Variants in FLT4 observed in about 807,000 individuals in gnomAD.
FLT4 encodes fms related receptor tyrosine kinase 4, also known as vascular endothelial growth factor receptor 3.
Under a neutral mutation model 163.2 loss-of-function variants are expected in FLT4, and 30 were observed. The ratio of observed to expected loss-of-function variants is 0.18; its 90% confidence interval spans 0.14 to 0.25. The LOEUF (loss-of-function observed/expected upper bound fraction) is 0.25. Ranked by LOEUF, FLT4 falls within the 10% of genes least tolerant of loss-of-function variation. The pLI is 1.00. For missense variants in FLT4, 1,510 were observed against 1,863.8 expected (o/e 0.81, Z 3.50); for synonymous variants, 884 against 789.5 (o/e 1.12, Z -2.01).
chr5:180,648,654 C>T (rs1765594142), intron 1 of FLT4, among the ~76,000 whole-genome samples: 1 of 152,124 alleles, frequency 6.6e-6, no homozygotes, highest in South Asian at 2.1e-4. Flanking sequence ...CTCTGCCGCC[C>T]GCTCATCCCC....
intron 1 of FLT4, among the ~76,000 whole-genome samples, chr5:180,647,460 G>T (rs1239430928): frequency 6.6e-6 from 1 of 152,118 alleles, no homozygotes; most frequent in Non-Finnish European, 1.5e-5. Context: ...TACGGCAGAG[G>T]CAGGACAAGA....
At position 180,620,307 on chromosome 5, in the gene FLT4, G is replaced by A. The variant is rs147284137; in HGVS notation, c.2408C>T (p.Pro803Leu). The A allele has an allele frequency of 6.8e-6, 11 of 1,611,130 alleles. No individual in the cohort carries two copies. The highest frequency in any genetic ancestry group is 6.7e-5 in the African/African-American group (5 of 74,918). Residue 803 changes from proline to leucine, a missense_variant and splice_region_variant, in exon 17 of 30, where the codon CCG becomes CTG. By Grantham distance (98) the Pro-to-Leu change is moderately conservative. Around this residue, in one of 5 missense-constraint regions of FLT4, gnomAD observed 878 missense variants for 1,016.7 expected, o/e 0.86. Coordinates refer to ENST00000261937, the MANE Select transcript of FLT4 (RefSeq NM_182925.5). This position sits in a 1 kb window ranked among gnomAD's most constrained non-coding sequence, Gnocchi z 4.4. ...GCCCGTCTTGATGTCTGCGTGGGCC[G>A]GCTGCGGGGAGGGGACAGGGAGGAG... is the stretch of plus-strand genomic sequence containing the variant. Reference protein sequence around the residue: ...LLLIFCNMRRPAHADIKTGYL... With the variant: ...LLLIFCNMRRLAHADIKTGYL...
intron 23 of FLT4, 129 bp from the exon 24 acceptor site, chr5:180,614,308 C>CGCG: frequency 3.2e-6 from 2 of 631,900 alleles, no homozygotes; most frequent in East Asian, 2.7e-5. Context: ...AAGCGTGTCC[C>CGCG]GTGGTGGATG....
chr5:180,613,639 G>A lies in FLT4; in HGVS notation c.3331+429C>T, dbSNP rs543870291. The stretch of plus-strand genomic sequence containing the variant: ...GCTCCTTTAGTTTCCGCAGTAGCGT[G>A]GATCAGTTGCCACTTGGTGACATTT... On this transcript the variant is annotated intron_variant, in intron 24 of 29. Transcript: ENST00000261937. 5.5e-4 allele frequency: 176 copies of A among 318,308 alleles called. 1 individual carries two copies. Among genetic ancestry groups the A allele is most frequent in the African/African-American group, 3.5e-3 (164 of 47,046 alleles). The allele number at this position is 318,308 out of a possible 1,614,324, so 19.7% of individuals were successfully genotyped here. A position where few individuals can be genotyped will look rare whatever the true frequency, so the allele number is the denominator to read the frequency against.
At chr5:180,629,140 G>C in intron 7 of FLT4, 119 bp downstream of exon 7, 2 of 1,448,434 alleles carry the variant, frequency 1.4e-6, no homozygotes, top group Non-Finnish European at 1.9e-6. Context: ...CAGGAGCTGG[G>C]CAGCTCCTCT....
chr5:180,638,590 T>C (rs1324336682), intron 1 of FLT4, among the ~76,000 whole-genome samples: 1 of 152,208 alleles, frequency 6.6e-6, no homozygotes, highest in Non-Finnish European at 1.5e-5. Context: ...TGGATTCCCC[T>C]GCACTCCCAA....
chr5:180,606,185 T>C (rs1192823375), intron 29 of FLT4, among the ~76,000 whole-genome samples: 3 of 151,994 alleles, frequency 2.0e-5, no homozygotes, highest in Non-Finnish European at 2.9e-5. Context: ...AAATCCATCA[T>C]GTGTCTTCTT....
chr5:180,613,441 A>G (rs539656774), intron 24 of FLT4: 7 of 328,738 alleles, frequency 2.1e-5, no homozygotes, highest in South Asian at 1.8e-4. Context: ...GGCAGTTTCA[A>G]CAAAGCCTCT....
chr5:180,624,623 TC>T (rs2127824412), intron 10 of FLT4, among the ~76,000 whole-genome samples: 1 of 152,284 alleles, frequency 6.6e-6, no homozygotes, highest in African/African-American at 2.4e-5. Context: ...CCACTGTCCC[TC>T]AGGCACATGT....
intron 1 of FLT4, among the ~76,000 whole-genome samples, chr5:180,641,202 C>T (rs1373210075): frequency 6.6e-6 from 1 of 152,226 alleles, no homozygotes; most frequent in Non-Finnish European, 1.5e-5. Context: ...CATGTCATCC[C>T]CACTCTGGCC....
intron 27 of FLT4, 22 bp from the exon 28 acceptor site, chr5:180,610,047 T>C: frequency 6.2e-7 from 1 of 1,613,872 alleles, no homozygotes; most frequent in Non-Finnish European, 8.5e-7. Flanking sequence ...AATCAGAAGG[T>C]GCTGAGGAAC....
Position 180,623,333 on chromosome 5 carries a change from G to A in FLT4, c.1549-494C>T, listed in dbSNP as rs1763319053. ...CCCGAGGCCCAGGGTTATTGAGAGG[G>A]GTGGGGATGGCTCCCAGAAGGACTG... is the stretch of plus-strand genomic sequence containing the variant. On this transcript the variant is annotated intron_variant, in intron 11 of 29. Coordinates refer to ENST00000261937, the MANE Select transcript of FLT4 (RefSeq NM_182925.5). The surrounding 1 kb of genome is among the most constrained non-coding windows in gnomAD (Gnocchi z 5.8). Among the ~76,000 whole-genome samples the A allele has an allele frequency of 6.6e-6, 1 of 152,104 alleles. No homozygotes were observed. Among genetic ancestry groups the A allele is most frequent in the Non-Finnish European group, 1.5e-5 (1 of 68,010 alleles).
At chr5:180,639,379 G>GGA (rs1764928993) in intron 1 of FLT4, among the ~76,000 whole-genome samples, 1 of 142,394 alleles carries the variant, frequency 7.0e-6, no homozygotes, top group East Asian at 2.2e-4. Context: ...GAGTGGATGG[G>GGA]TGGATGGATG....
intron 17 of FLT4, 76 bp from the exon 18 acceptor site, chr5:180,619,845 C>T: frequency 1.9e-6 from 2 of 1,077,214 alleles, no homozygotes; most frequent in African/African-American, 3.1e-5. Context: ...GGGGGAGCCC[C>T]GTGCAGAGGT....
At chr5:180,646,765 G>C (rs983863456) in intron 1 of FLT4, among the ~76,000 whole-genome samples, 7 of 152,122 alleles carry the variant, frequency 4.6e-5, no homozygotes, top group Non-Finnish European at 2.9e-5. Context: ...AGAACTGCAG[G>C]CTCCTTCCCT....
At position 180,602,752 on chromosome 5, in the gene FLT4, G is replaced by GTATCATT; in HGVS notation, c.*439_*440insAATGATA. ...GGAGAGTAGCTGTGTGCCTGAGGAG[G>GTATCATT]AAAGGGCGTTTGGGAGACCTCTGCT... On this transcript the variant is annotated 3_prime_UTR_variant, in exon 30 of 30. Transcript: ENST00000261937. 2.1e-6 allele frequency: 1 copy of GTATCATT among 465,768 alleles called. No homozygotes were observed. The highest frequency in any genetic ancestry group is 3.8e-6 in the Non-Finnish European group (1 of 266,032). The allele number at this position is 465,768 out of a possible 1,614,324, so 28.9% of individuals were successfully genotyped here. A position where few individuals can be genotyped will look rare whatever the true frequency, so the allele number is the denominator to read the frequency against.
intron 29 of FLT4, among the ~76,000 whole-genome samples, chr5:180,604,891 C>T (rs1460691091): frequency 1.3e-5 from 2 of 152,170 alleles, no homozygotes; most frequent in East Asian, 3.8e-4. Context: ...CACGTCCATC[C>T]TCTGTGTCTG....
intron 1 of FLT4, among the ~76,000 whole-genome samples, chr5:180,646,372 C>T (rs1455723906): frequency 1.3e-5 from 2 of 152,126 alleles, no homozygotes; most frequent in African/African-American, 2.4e-5. Context: ...GGCACTGCCG[C>T]ATCTCCAGCC....
At chr5:180,613,747 C>A in intron 24 of FLT4, 1 of 439,134 alleles carries the variant, frequency 2.3e-6, no homozygotes. Flanking sequence ...ACATGGAGCT[C>A]TTGGAGCTCT....
Sources: gnomAD v4.1 joint callset for allele counts (sites outside exome capture counted in the v4.1 genomes callset) on GRCh38, gnomAD v4.1.1 for gene constraint, gnomAD v4.1.1 regional missense constraint, Gnocchi (gnomAD v3.1) non-coding constraint, MANE v1.5 for transcripts, NCBI Gene and HGNC (gene_info 2026-07-23, HGNC 2026-07-21) for gene names.